Variants in PCDHGA11 observed in about 807,000 individuals in gnomAD.
PCDHGA11 encodes the protein protocadherin gamma subfamily A, 11, also known as protocadherin gamma-A11.
PCDHGA11 carries 39 observed loss-of-function variants against 60.4 expected under a neutral mutation model. The observed-to-expected ratio is 0.65, with a 90% confidence interval of 0.50 to 0.84. The LOEUF (loss-of-function observed/expected upper bound fraction) is 0.84, where lower values mean the gene tolerates loss of function less well. Ranked by LOEUF, PCDHGA11 falls within the 40% of genes least tolerant of loss-of-function variation. PCDHGA11 has a pLI of 0.00. For missense variants in PCDHGA11, 1,165 were observed against 1,197.7 expected (o/e 0.97, Z 0.40); for synonymous variants, 533 against 510.3 (o/e 1.04, Z -0.60).
chr5:141,469,918 G>T (rs2099215604), intron 1 of PCDHGA11, among the ~76,000 whole-genome samples: 2 of 152,148 alleles, frequency 1.3e-5, no homozygotes, highest in African/African-American at 4.8e-5. Context: ...ACCACCCGAG[G>T]TCAGGAGTTT....
chr5:141,487,377 C>T lies in PCDHGA11; in HGVS notation c.2434-7430C>T, dbSNP rs758216933. Reference sequence around the variant, plus strand: ...CCTGCTGGCACCTGTGCCTGTCTCACCAGATCTCGAAGGAGGGAGGGGCTT... The same window carrying T: ...CCTGCTGGCACCTGTGCCTGTCTCATCAGATCTCGAAGGAGGGAGGGGCTT... On this transcript the variant is annotated intron_variant, in intron 1 of 3. Transcript: ENST00000398587. The surrounding 1 kb of genome is among the most constrained non-coding windows in gnomAD (Gnocchi z 5.0). 6.2e-7 allele frequency: 1 copy of T among 1,614,190 alleles called. No homozygotes were observed. Among genetic ancestry groups the T allele is most frequent in the Non-Finnish European group, 8.5e-7 (1 of 1,180,034 alleles).
At chr5:141,425,321 G>A (rs1020940689) in intron 1 of PCDHGA11, among the ~76,000 whole-genome samples, 2 of 152,182 alleles carry the variant, frequency 1.3e-5, no homozygotes, top group South Asian at 2.1e-4. Flanking sequence ...CAAGATCGTG[G>A]AGAACAAAAA....
At position 141,491,299 on chromosome 5, in the gene PCDHGA11, C is replaced by T. The variant is rs777271881; in HGVS notation, c.2434-3508C>T. ...TGACTTCCTCATACACCCTCCTGAG[C>T]GTTCAGACCTTACCCTTTACCTCAT... On this transcript the variant is annotated intron_variant, in intron 1 of 3. Transcript: ENST00000398587. This position sits in a 1 kb window ranked among gnomAD's most constrained non-coding sequence, Gnocchi z 6.9. 3.7e-6 allele frequency: 6 copies of T among 1,614,068 alleles called. No individual in the cohort carries two copies. Among genetic ancestry groups the T allele is most frequent in the Non-Finnish European group, 5.1e-6 (6 of 1,179,896 alleles).
chr5:141,477,678 C>A lies in PCDHGA11; in HGVS notation c.2434-17129C>A, dbSNP rs967769574. 1 of 1,614,182 alleles carries A rather than the reference C, an allele frequency of 6.2e-7. No individual in the cohort carries two copies. The highest frequency in any genetic ancestry group is 1.3e-5 in the African/African-American group (1 of 75,054). ...AATCGTGACAATGGCATAGTGTCAT[C>A]CTTAGTGCCCCTAGACTATGAGGAT... is the stretch of plus-strand genomic sequence containing the variant. On this transcript the variant is annotated intron_variant, in intron 1 of 3. Transcript: ENST00000398587. The surrounding 1 kb of genome is among the most constrained non-coding windows in gnomAD (Gnocchi z 4.9).
rs1421497518 is a variant in PCDHGA11 at position 141,431,979 on chromosome 5, A to G, written c.2433+8319A>G. ...GGAAATTACTATAGTTTAGTCACAGACATAGTCTTGGATAGGGAACAGGTT... is the reference window on the plus strand; with the variant it reads ...GGAAATTACTATAGTTTAGTCACAGGCATAGTCTTGGATAGGGAACAGGTT... On this transcript the variant is annotated intron_variant, in intron 1 of 3. Coordinates refer to ENST00000398587, the MANE Select transcript of PCDHGA11 (RefSeq NM_018914.3). This position sits in a 1 kb window ranked among gnomAD's most constrained non-coding sequence, Gnocchi z 4.8. 6.2e-7 allele frequency: 1 copy of G among 1,614,078 alleles called. No homozygotes were observed. The highest frequency in any genetic ancestry group is 1.3e-5 in the African/African-American group (1 of 74,932).
At chr5:141,475,997 G>A in intron 1 of PCDHGA11, 2 of 1,184,406 alleles carry the variant, frequency 1.7e-6, no homozygotes, top group East Asian at 2.4e-5. Flanking sequence ...CAAATCAACG[G>A]CATCCAGAAA....
At position 141,485,275 on chromosome 5, in the gene PCDHGA11, G is replaced by A. The variant is rs77402299; in HGVS notation, c.2434-9532G>A. The A allele has an allele frequency of 8.7e-6, 14 of 1,613,954 alleles. No homozygotes were observed. In the African/African-American group the frequency reaches 1.1e-4, roughly 12 times the overall value. ...ACGTTTGTGGGCAGATCCGCTACCC[G>A]GTCCCAGAGGAGTCACAGGAAGGGA... On this transcript the variant is annotated intron_variant, in intron 1 of 3. Transcript: ENST00000398587. The surrounding 1 kb of genome is among the most constrained non-coding windows in gnomAD (Gnocchi z 5.7).
Position 141,428,162 on chromosome 5 carries a change from G to A in PCDHGA11, c.2433+4502G>A, listed in dbSNP as rs75153946. The A allele has an allele frequency of 9.5e-4, 1,493 of 1,569,102 alleles. 9 individuals are homozygous for A. The African/African-American group carries it at 0.016, about 16-fold the overall frequency. On this transcript the variant is annotated intron_variant, in intron 1 of 3. Coordinates refer to ENST00000398587, the MANE Select transcript of PCDHGA11 (RefSeq NM_018914.3). ...GGCTGCACACGGGAACCTGCTGGTT[G>A]CTGTGCGTGACGGAGGACAGCCGCC...
chr5:141,467,287 A>C (rs2099140956), intron 1 of PCDHGA11, among the ~76,000 whole-genome samples: 1 of 152,082 alleles, frequency 6.6e-6, no homozygotes, highest in Admixed American at 6.6e-5. Flanking sequence ...TCTTGACCTC[A>C]AGTGATCCAC....
Position 141,490,310 on chromosome 5 carries a change from AC to A in PCDHGA11, c.2434-4494del. 1 of 1,614,084 alleles carries A rather than the reference AC, an allele frequency of 6.2e-7. No homozygotes were observed. The highest frequency in any genetic ancestry group is 8.5e-7 in the Non-Finnish European group (1 of 1,180,012). ...GAGGTGCTATTGGCCTCTTTGGCCA[AC>A]CCTGTCCTAGAGAGCACACCAGTGG... is the stretch of plus-strand genomic sequence containing the variant. On this transcript the variant is annotated intron_variant, in intron 1 of 3. Transcript: ENST00000398587. This position sits in a 1 kb window ranked among gnomAD's most constrained non-coding sequence, Gnocchi z 5.4.
Position 141,486,657 on chromosome 5 carries a change from T to C in PCDHGA11, c.2434-8150T>C. Reference sequence around the variant, plus strand: ...AATGCGCTTATCTCCTACTCACTCCTGGAGCCCAGGAATCGAGATGTATCA... The same window carrying C: ...AATGCGCTTATCTCCTACTCACTCCCGGAGCCCAGGAATCGAGATGTATCA... On this transcript the variant is annotated intron_variant, in intron 1 of 3. Transcript: ENST00000398587. The surrounding 1 kb of genome is among the most constrained non-coding windows in gnomAD (Gnocchi z 5.0). The C allele has an allele frequency of 6.2e-7, 1 of 1,614,010 alleles. No individual in the cohort carries two copies. Among genetic ancestry groups the C allele is most frequent in the Non-Finnish European group, 8.5e-7 (1 of 1,180,030 alleles).
rs1427881816 is a variant in PCDHGA11 at position 141,486,740 on chromosome 5, T to C, written c.2434-8067T>C. ...AGGAGCTGTTCATGCTACTCGATCC[T>C]TTGACTATGAGCAAACCCAGACACT... On this transcript the variant is annotated intron_variant, in intron 1 of 3. Coordinates refer to ENST00000398587, the MANE Select transcript of PCDHGA11 (RefSeq NM_018914.3). The surrounding 1 kb of genome is among the most constrained non-coding windows in gnomAD (Gnocchi z 5.0). 6.2e-7 allele frequency: 1 copy of C among 1,614,234 alleles called. No homozygotes were observed. Among genetic ancestry groups the C allele is most frequent in the Admixed American group, 1.7e-5 (1 of 60,026 alleles).
chr5:141,453,287 A>T (rs900058377), intron 1 of PCDHGA11, among the ~76,000 whole-genome samples: 1 of 151,368 alleles, frequency 6.6e-6, no homozygotes, highest in Non-Finnish European at 1.5e-5. Context: ...CTAATTTTTT[A>T]ATTATTTATT....
intron 1 of PCDHGA11, among the ~76,000 whole-genome samples, chr5:141,482,329 T>A (rs1334833454): frequency 6.6e-6 from 1 of 152,160 alleles, no homozygotes; most frequent in Non-Finnish European, 1.5e-5. Context: ...ATAAAGAGAA[T>A]ATCTACTTTG....
intron 1 of PCDHGA11, chr5:141,471,361 C>T (rs1206745378): frequency 6.6e-6 from 1 of 151,976 alleles, no homozygotes; most frequent in Non-Finnish European, 1.5e-5. Context: ...TCCAAGCCCC[C>T]TATTTTTATT....
chr5:141,478,381 C>A (rs931860600), intron 1 of PCDHGA11: 1 of 1,613,664 alleles, frequency 6.2e-7, no homozygotes, highest in Admixed American at 1.7e-5. Flanking sequence ...TGTCGCCGCA[C>A]CTTTACCATC....
intron 1 of PCDHGA11, among the ~76,000 whole-genome samples, chr5:141,474,089 CAAACAACAACAA>C (rs985204397): frequency 3.3e-5 from 5 of 152,116 alleles, no homozygotes; most frequent in Admixed American, 2.0e-4. Flanking sequence ...AACCAAAAAA[CAAACAACAACAA>C]AAACAACAAC....
intron 1 of PCDHGA11, chr5:141,427,689 A>C (rs3749765): frequency 0.15 from 132,103 of 873,882 alleles, 11,769 homozygotes; most frequent in African/African-American, 0.33. Flanking sequence ...CGGAGCCTCC[A>C]TCCCACAAGT....
intron 1 of PCDHGA11, chr5:141,433,358 C>CCCAT (rs1554125967): frequency 7.1e-5 from 36 of 503,934 alleles, no homozygotes; most frequent in African/African-American, 1.2e-4. Flanking sequence ...CTACTGTCTG[C>CCCAT]CTATCTATCT....
Sources: allele counts gnomAD v4.1 joint callset (sites outside exome capture counted in the v4.1 genomes callset), GRCh38; gene constraint gnomAD v4.1.1; non-coding constraint Gnocchi (gnomAD v3.1); transcripts MANE v1.5; gene names NCBI Gene and HGNC (gene_info 2026-07-23, HGNC 2026-07-21).